The following WDR41 variants were observed in gnomAD, a reference collection of about 807,000 sequenced individuals.
The protein encoded by WDR41 is WD repeat domain 41.
In WDR41, 63 loss-of-function variants were observed where a neutral mutation model predicts 69.3. The ratio of observed to expected loss-of-function variants is 0.91; its 90% CI spans 0.74 to 1.12. WDR41 has a LOEUF of 1.12. Among genes scored for constraint, WDR41 ranks in the 50% most tolerant of loss-of-function variants. WDR41 has a pLI of 0.00. For missense variants in WDR41, 543 were observed against 534.5 expected, an observed-to-expected ratio of 1.02 and a Z score of -0.16; for synonymous variants, 185 against 192.1, an observed-to-expected ratio of 0.96 and a Z score of 0.31.
rs1743067642 is a variant in WDR41, at chr5:77,540,453, C to G, written c.43-50881G>C. The G allele has an allele frequency of 2.0e-5, 3 of 152,360 alleles. No individual in the cohort carries two copies. In the South Asian group the frequency reaches 6.2e-4, roughly 32 times the overall value. The allele number at this position is 152,360 out of a possible 1,614,324, so 9.4% of individuals were successfully genotyped here. A position where few individuals can be genotyped will look rare whatever the true frequency, so the allele number is the denominator to read the frequency against. ...CATACTGCTAAGAGCTAATGACATT[C>G]TTACATTTCAAACATAGTTTTGTGT... On this transcript the variant is annotated intron_variant, in intron 1 of 5. Coordinates refer to the WDR41 transcript ENST00000509971.
chr5:77,551,018 A>G (rs1463145442), intron 1 of WDR41, among the ~76,000 whole-genome samples: 1 of 152,172 alleles, frequency 6.6e-6, no homozygotes, highest in Non-Finnish European at 1.5e-5. Context: ...ACATGACATA[A>G]AAACGGGAAC....
rs980116809 is a variant in WDR41 at position 77,483,812 on chromosome 5, C to T, written c.167+5645G>A. ...TGCCCTTTTATTTACCGATTTTCAA[C>T]AGAATGAGTTAGTTCCCCAGCATTC... On this transcript the variant is annotated intron_variant, in intron 2 of 12. Transcript: ENST00000296679. 3.3e-5 allele frequency among the ~76,000 whole-genome samples: 5 copies of T among 152,138 alleles called. No individual in the cohort carries two copies. In the South Asian group the frequency reaches 8.3e-4, roughly 25 times the overall value.
chr5:77,563,052 T>C (rs1406373117), intron 1 of WDR41, among the ~76,000 whole-genome samples: 2 of 152,188 alleles, frequency 1.3e-5, no homozygotes, highest in African/African-American at 4.8e-5. Context: ...ACCGCATCTA[T>C]TTTATCTTTA....
At chr5:77,607,231 T>C (rs1744441694) in intron 1 of WDR41, among the ~76,000 whole-genome samples, 1 of 152,194 alleles carries the variant, frequency 6.6e-6, no homozygotes, top group Non-Finnish European at 1.5e-5. Flanking sequence ...CTATCAACAC[T>C]TGAACCCACT....
intron 1 of WDR41, among the ~76,000 whole-genome samples, chr5:77,490,683 T>A (rs779016124): frequency 2.0e-5 from 3 of 152,190 alleles, no homozygotes; most frequent in Non-Finnish European, 4.4e-5. Flanking sequence ...GAAAACTATA[T>A]AAACTGCTTC....
intron 1 of WDR41, among the ~76,000 whole-genome samples, chr5:77,605,302 T>C (rs2112330408): frequency 6.6e-6 from 1 of 152,248 alleles, no homozygotes; most frequent in Admixed American, 6.5e-5. Context: ...CCACTGACCT[T>C]CTCCCTACCA....
At chr5:77,560,171 T>C (rs760553211) in intron 1 of WDR41, among the ~76,000 whole-genome samples, 1 of 152,164 alleles carries the variant, frequency 6.6e-6, no homozygotes, top group Non-Finnish European at 1.5e-5. Flanking sequence ...ATTAGAAAGA[T>C]GTAGAATGGA....
intron 2 of WDR41, among the ~76,000 whole-genome samples, chr5:77,473,144 T>C (rs1800714585): frequency 6.6e-6 from 1 of 152,084 alleles, no homozygotes; most frequent in Admixed American, 6.5e-5. Context: ...ACGCCGCATA[T>C]CTACAACCAT....
intron 1 of WDR41, among the ~76,000 whole-genome samples, chr5:77,518,252 A>G (rs1802321845): frequency 1.3e-5 from 2 of 152,116 alleles, no homozygotes; most frequent in Admixed American, 6.5e-5. Flanking sequence ...TCATAATGTA[A>G]TATAAAATTG....
chr5:77,554,841 G>T lies in WDR41; in HGVS notation c.43-65269C>A, dbSNP rs190653720. ...TAGCTGATAAAAGTGCCTAGAGGCC[G>T]GGTGGGGTGGCTCATGCCTGCAATC... On this transcript the variant is annotated intron_variant, in intron 1 of 5. Coordinates refer to the WDR41 transcript ENST00000509971. 2.9e-4 allele frequency among the ~76,000 whole-genome samples: 44 copies of T among 152,044 alleles called. No individual in the cohort carries two copies. The East Asian group carries it at 6.0e-3, about 21-fold the overall frequency.
At chr5:77,455,552 A>G (rs560147105) in intron 5 of WDR41, among the ~76,000 whole-genome samples, 48 of 152,308 alleles carry the variant, frequency 3.2e-4, no homozygotes, top group African/African-American at 1.1e-3. Context: ...ATGTACGCCT[A>G]TATTTCTTCC....
intron 1 of WDR41, among the ~76,000 whole-genome samples, chr5:77,566,324 GT>G (rs974404587): frequency 2.0e-5 from 3 of 152,108 alleles, no homozygotes; most frequent in Non-Finnish European, 2.9e-5. Context: ...AAAGGCAACT[GT>G]TCTCTACTCA....
rs1306864710 is a variant in WDR41, at chr5:77,463,158, G to T, written c.285C>A (p.Ser95=). The change falls in exon 4 of 13, where the codon TCC becomes TCA. Residue 95 remains serine, a synonymous_variant. Coordinates refer to ENST00000296679, the MANE Select transcript of WDR41 (RefSeq NM_018268.4). ...QKITAIITFP[S]LESCEEKNQL... ...GATTTTTCTCTTCACAAGATTCCAA[G>T]GAAGGAAATGTAATAATAGCTGTTA... The T allele has an allele frequency of 1.2e-6, 2 of 1,612,348 alleles. No homozygotes were observed. The highest frequency in any genetic ancestry group is 1.3e-5 in the African/African-American group (1 of 74,806).
At chr5:77,508,284 C>A (rs1290406709) in intron 1 of WDR41, among the ~76,000 whole-genome samples, 1 of 151,828 alleles carries the variant, frequency 6.6e-6, no homozygotes, top group Non-Finnish European at 1.5e-5. Flanking sequence ...CCAAGCCCAG[C>A]TAATTTTTTG....
At position 77,437,543 on chromosome 5, in the gene WDR41, C is replaced by T. The variant is rs550489050; in HGVS notation, c.1005-119G>A. On this transcript the variant is annotated intron_variant, in intron 10 of 12. Coordinates refer to ENST00000296679, the MANE Select transcript of WDR41 (RefSeq NM_018268.4). ...GCTTTTATTCAGCTCTTAGCAGGAACTGACAAAAATCACAATTTAGCATGA... is the reference window on the plus strand; with the variant it reads ...GCTTTTATTCAGCTCTTAGCAGGAATTGACAAAAATCACAATTTAGCATGA... The T allele has an allele frequency of 6.1e-4, 537 of 883,786 alleles. 7 individuals are homozygous for T. The South Asian group carries it at 7.3e-3, about 12-fold the overall frequency. The allele number at this position is 883,786 out of a possible 1,614,324, so 54.7% of individuals were successfully genotyped here. A position where few individuals can be genotyped will look rare whatever the true frequency, so the allele number is the denominator to read the frequency against.
intron 1 of WDR41, among the ~76,000 whole-genome samples, chr5:77,522,544 G>T (rs1802386233): frequency 2.0e-5 from 3 of 152,130 alleles, no homozygotes; most frequent in South Asian, 4.1e-4. Flanking sequence ...GGAGGCTAAG[G>T]TGGGAGAATC....
chr5:77,437,184 A>T, intron 11 of WDR41, 152 bp downstream of exon 11: 1 of 649,078 alleles, frequency 1.5e-6, no homozygotes, highest in East Asian at 2.6e-5. Flanking sequence ...TAAATCCTAG[A>T]TCTCAATTAC....
At chr5:77,590,717 CA>C (rs1371169388) in intron 1 of WDR41, among the ~76,000 whole-genome samples, 1 of 152,168 alleles carries the variant, frequency 6.6e-6, no homozygotes, top group Non-Finnish European at 1.5e-5. Flanking sequence ...TCCCTTGGAA[CA>C]GGTCTATATT....
At chr5:77,546,211 C>A in intron 1 of WDR41, 1 of 413,006 alleles carries the variant, frequency 2.4e-6, no homozygotes, top group Admixed American at 3.5e-5. Flanking sequence ...CTCGTCAAGA[C>A]CCACTCTAGA....
Sources: gnomAD v4.1 joint callset for allele counts (sites outside exome capture counted in the v4.1 genomes callset) on GRCh38, gnomAD v4.1.1 for gene constraint, MANE v1.5 for transcripts, NCBI Gene and HGNC (gene_info 2026-07-23, HGNC 2026-07-21) for gene names.